Variants in HS6ST3 observed in about 807,000 individuals in gnomAD.
HS6ST3 encodes the protein heparan sulfate 6-O-sulfotransferase 3.
A neutral mutation model predicts 36.7 loss-of-function variants in HS6ST3; 12 were observed. The observed-to-expected ratio is 0.33, with a 90% CI of 0.21 to 0.53. The LOEUF is 0.53. HS6ST3 is among the 20% of genes least tolerant of loss of function. The pLI is 0.95. For synonymous variants in HS6ST3, 240 were observed against 257.5 expected, an observed-to-expected ratio of 0.93 and a Z score of 0.65; for missense variants, 584 against 640.9, an observed-to-expected ratio of 0.91 and a Z score of 0.96.
intron 1 of HS6ST3, among the ~76,000 whole-genome samples, chr13:96,448,645 A>G (rs2055711071): frequency 2.0e-5 from 3 of 152,012 alleles, no homozygotes; most frequent in Non-Finnish European, 4.4e-5. Flanking sequence ...TTCCTTGTCT[A>G]ATACCCCTGC....
At chr13:96,304,719 T>TTCTTTCTTTCTTTCTTTCTTTC (rs1566317948) in intron 1 of HS6ST3, among the ~76,000 whole-genome samples, 1 of 53,518 alleles carries the variant, frequency 1.9e-5, no homozygotes, top group Non-Finnish European at 3.5e-5. Flanking sequence ...TTCTTTTTTT[T>TTCTTTCTTTCTTTCTTTCTTTC]TTTTTTTTTT....
intron 1 of HS6ST3, among the ~76,000 whole-genome samples, chr13:96,368,512 TAAAA>T (rs371341835): frequency 7.2e-6 from 1 of 138,656 alleles, no homozygotes; most frequent in Non-Finnish European, 1.6e-5. Context: ...CTTTTTTTTT[TAAAA>T]AAAAAACATA....
chr13:96,528,333 G>A (rs1214097535), intron 1 of HS6ST3, among the ~76,000 whole-genome samples: 1 of 152,130 alleles, frequency 6.6e-6, no homozygotes, highest in Non-Finnish European at 1.5e-5. Flanking sequence ...CTTCAAAAGT[G>A]AGCCTATTCA....
At chr13:96,547,334 A>T (rs2056201460) in intron 1 of HS6ST3, among the ~76,000 whole-genome samples, 2 of 152,190 alleles carry the variant, frequency 1.3e-5, no homozygotes, top group Admixed American at 6.5e-5. Context: ...TCCATCAACA[A>T]TTCTAGCATT....
At chr13:96,530,205 G>C (rs1385047369) in intron 1 of HS6ST3, among the ~76,000 whole-genome samples, 1 of 152,106 alleles carries the variant, frequency 6.6e-6, no homozygotes, top group East Asian at 1.9e-4. Flanking sequence ...AATGAAGTTT[G>C]GGAGTAAGGA....
At chr13:96,333,971 G>C (rs749619512) in intron 1 of HS6ST3, among the ~76,000 whole-genome samples, 2 of 152,098 alleles carry the variant, frequency 1.3e-5, no homozygotes, top group Non-Finnish European at 2.9e-5. Flanking sequence ...GAATAATTCT[G>C]CAGGTTCTGG....
intron 1 of HS6ST3, among the ~76,000 whole-genome samples, chr13:96,532,165 G>A (rs1393795677): frequency 6.6e-6 from 1 of 152,206 alleles, no homozygotes; most frequent in Non-Finnish European, 1.5e-5. Flanking sequence ...GTATCAGGAA[G>A]ACTGAGAACT....
At chr13:96,191,335 C>T (rs2054287602) in intron 1 of HS6ST3, among the ~76,000 whole-genome samples, 1 of 152,154 alleles carries the variant, frequency 6.6e-6, no homozygotes, top group South Asian at 2.1e-4. Context: ...CCTTGTGCTC[C>T]AACCTCTCTC....
intron 1 of HS6ST3, among the ~76,000 whole-genome samples, chr13:96,535,311 C>T (rs1437829509): frequency 6.6e-6 from 1 of 152,008 alleles, no homozygotes; most frequent in East Asian, 1.9e-4. Context: ...AATCCCTGCA[C>T]TTTGGGAAAC....
intron 1 of HS6ST3, among the ~76,000 whole-genome samples, chr13:96,189,483 C>G (rs1049235866): frequency 6.6e-6 from 1 of 152,088 alleles, no homozygotes; most frequent in African/African-American, 2.4e-5. Context: ...GTAGGGCTAT[C>G]TCTCGACAGA....
At chr13:96,776,369 GA>G (rs1877387050) in intron 1 of HS6ST3, among the ~76,000 whole-genome samples, 1 of 151,890 alleles carries the variant, frequency 6.6e-6, no homozygotes, top group Non-Finnish European at 1.5e-5. Context: ...ATAGAGACAT[GA>G]AAAAACCTTC....
intron 1 of HS6ST3, among the ~76,000 whole-genome samples, chr13:96,609,294 T>C (rs1422934507): frequency 5.9e-5 from 9 of 152,126 alleles, no homozygotes; most frequent in African/African-American, 1.9e-4. Flanking sequence ...ATAAAAAGAA[T>C]TTTAAAATTT....
At chr13:96,201,030 T>C (rs977588168) in intron 1 of HS6ST3, among the ~76,000 whole-genome samples, 4 of 152,112 alleles carry the variant, frequency 2.6e-5, no homozygotes, top group Admixed American at 2.6e-4. Context: ...AGAGACACAG[T>C]TGATAAACGA....
chr13:96,420,745 C>T (rs183646848), intron 1 of HS6ST3, among the ~76,000 whole-genome samples: 13 of 152,170 alleles, frequency 8.5e-5, no homozygotes, highest in East Asian at 5.8e-4. Flanking sequence ...ATATTTGGTG[C>T]GTTTTACTTA....
chr13:96,403,775 G>A (rs115713900), intron 1 of HS6ST3, among the ~76,000 whole-genome samples: 190 of 152,198 alleles, frequency 1.2e-3, no homozygotes, highest in African/African-American at 4.3e-3. Context: ...CGTGTATCAG[G>A]GTCATTACAG....
intron 1 of HS6ST3, among the ~76,000 whole-genome samples, chr13:96,740,366 A>G (rs1339444196): frequency 1.3e-5 from 2 of 152,098 alleles, no homozygotes; most frequent in Non-Finnish European, 1.5e-5. Flanking sequence ...GAGGAACTGG[A>G]TTTCTGGGGG....
At chr13:96,804,519 G>T (rs904236670) in intron 1 of HS6ST3, among the ~76,000 whole-genome samples, 20 of 152,136 alleles carry the variant, frequency 1.3e-4, no homozygotes, top group Non-Finnish European at 2.2e-4. Context: ...GGAATAAAGA[G>T]AAATTGACTT....
rs565121205 is a variant in HS6ST3 at position 96,638,665 on chromosome 13, A to T, written c.708-193825A>T. Among the ~76,000 whole-genome samples, 58 of 151,958 alleles carry T rather than the reference A, an allele frequency of 3.8e-4. No individual in the cohort carries two copies. In the South Asian group the frequency reaches 8.3e-3, roughly 22 times the overall value. On this transcript the variant is annotated intron_variant, in intron 1 of 1. Transcript: ENST00000376705. The stretch of plus-strand genomic sequence containing the variant: ...CCTTCCTGCCATCATGTGAAGAAGG[A>T]CATGTTTGCTTCCCCTTCCACCATG...
chr13:96,231,086 A>G (rs2054506050), intron 1 of HS6ST3, among the ~76,000 whole-genome samples: 1 of 152,110 alleles, frequency 6.6e-6, no homozygotes, highest in Non-Finnish European at 1.5e-5. Context: ...GTGGCCAGTT[A>G]GGAAAGCAGG....
Sources: allele counts gnomAD v4.1 joint callset (sites outside exome capture counted in the v4.1 genomes callset), GRCh38; gene constraint gnomAD v4.1.1; transcripts MANE v1.5; gene names NCBI Gene and HGNC (gene_info 2026-07-23, HGNC 2026-07-21).